Variants in SMARCA2 observed in about 807,000 individuals in gnomAD.
SMARCA2 encodes the protein SWI/SNF-related matrix-associated actin-dependent regulator of chromatin subfamily A member 2.
A neutral mutation model predicts 199.8 loss-of-function variants in SMARCA2; 61 were observed. That is an observed-to-expected ratio of 0.31 (90% CI 0.25 to 0.38). SMARCA2 has a LOEUF of 0.38. Ranked by LOEUF, SMARCA2 falls within the 10% of genes least tolerant of loss-of-function variation. The pLI, the probability that SMARCA2 is intolerant of heterozygous loss-of-function variation, is 1.00. For synonymous variants in SMARCA2, 935 were observed against 732.0 expected (o/e 1.28, Z -4.48); for missense variants, 1,344 against 2,012.2 (o/e 0.67, Z 6.35).
At chr9:2,158,133 GAAAGAAAGA>G (rs779979395) in intron 27 of SMARCA2, 13 of 77,174 alleles carry the variant, frequency 1.7e-4, no homozygotes, top group Non-Finnish European at 2.7e-4. Flanking sequence ...AAGCAAAATT[GAAAGAAAGA>G]AAAGAGAGAA....
At chr9:2,083,522 A>T (rs1214430394) in intron 16 of SMARCA2, 109 bp downstream of exon 16, 7 of 631,796 alleles carry the variant, frequency 1.1e-5, no homozygotes, top group South Asian at 1.0e-4. Context: ...AAGTTTTGTC[A>T]TGTACATCAT....
chr9:2,167,276 A>G (rs963371350), intron 28 of SMARCA2, among the ~76,000 whole-genome samples: 1 of 152,204 alleles, frequency 6.6e-6, no homozygotes, highest in African/African-American at 2.4e-5. Flanking sequence ...TTTGTTCACC[A>G]TTTATTATGC....
intron 15 of SMARCA2, among the ~76,000 whole-genome samples, chr9:2,082,298 A>C (rs573796951): frequency 7.1e-6 from 1 of 140,388 alleles, no homozygotes; most frequent in Non-Finnish European, 1.5e-5. Context: ...TGGCTCACAA[A>C]GGGGAAAGGT....
intron 25 of SMARCA2, among the ~76,000 whole-genome samples, chr9:2,118,851 C>T (rs1313308002): frequency 6.6e-6 from 1 of 151,978 alleles, no homozygotes; most frequent in South Asian, 2.1e-4. Context: ...TTTTTTGTTA[C>T]TGATACCTTT....
chr9:2,119,564 A>G lies in SMARCA2; in HGVS notation c.3762+29A>G, dbSNP rs1375442120. ...ATGTTACAGAAAATCATGAACACAA[A>G]TGCTTTATACCTCTGCCCCTTTTTC... On this transcript the variant is annotated intron_variant, in intron 26 of 33. Coordinates refer to ENST00000349721, the MANE Select transcript of SMARCA2 (RefSeq NM_003070.5). This position sits in a 1 kb window ranked among gnomAD's most constrained non-coding sequence, Gnocchi z 4.6. 7.6e-6 allele frequency: 11 copies of G among 1,443,740 alleles called. No individual in the cohort carries two copies. The highest frequency in any genetic ancestry group is 1.1e-5 in the South Asian group (1 of 87,526). The allele number at this position is 1,443,740 out of a possible 1,614,324, so 89.4% of individuals were successfully genotyped here. A position where few individuals can be genotyped will look rare whatever the true frequency, so the allele number is the denominator to read the frequency against.
intron 27 of SMARCA2, among the ~76,000 whole-genome samples, chr9:2,153,772 G>A (rs1825197676): frequency 6.6e-6 from 1 of 152,016 alleles, no homozygotes; most frequent in Non-Finnish European, 1.5e-5. Flanking sequence ...CTTTGAACTT[G>A]CATGGTTACT....
intron 32 of SMARCA2, among the ~76,000 whole-genome samples, chr9:2,188,850 C>G (rs10965140): frequency 6.6e-6 from 1 of 151,980 alleles, no homozygotes; most frequent in Non-Finnish European, 1.5e-5. Flanking sequence ...TTCTTGTGTT[C>G]GTAGAAACAA....
chr9:2,126,889 C>T (rs1823720393), intron 27 of SMARCA2, among the ~76,000 whole-genome samples: 1 of 152,230 alleles, frequency 6.6e-6, no homozygotes, highest in Admixed American at 6.5e-5. Context: ...ATAGTTCTTC[C>T]TCCCTTTGAA....
chr9:2,172,451 T>C (rs528611103), intron 29 of SMARCA2, among the ~76,000 whole-genome samples: 25 of 150,780 alleles, frequency 1.7e-4, no homozygotes, highest in Admixed American at 4.6e-4. Flanking sequence ...GGGGCAGAGC[T>C]TGTGGTGGTA....
At position 2,081,803 on chromosome 9, in the gene SMARCA2, A is replaced by G. The variant is rs773682454; in HGVS notation, c.2185-29A>G. 1.7e-5 allele frequency: 27 copies of G among 1,606,934 alleles called. No homozygotes were observed. In the South Asian group the frequency reaches 1.8e-4, roughly 11 times the overall value. Reference sequence around the variant, plus strand: ...GATTAATTACCTGTGCAGATCTTGGATAATTGAAGCAATTACTCTTCATTT... The same window carrying G: ...GATTAATTACCTGTGCAGATCTTGGGTAATTGAAGCAATTACTCTTCATTT... On this transcript the variant is annotated intron_variant, in intron 14 of 33. Transcript: ENST00000349721.
At chr9:2,147,591 A>C (rs925050396) in intron 27 of SMARCA2, among the ~76,000 whole-genome samples, 1 of 152,158 alleles carries the variant, frequency 6.6e-6, no homozygotes, top group Non-Finnish European at 1.5e-5. Context: ...CACGCCTGTA[A>C]TCCTAGCACT....
At chr9:2,159,983 C>T in intron 27 of SMARCA2, 1 of 1,544,838 alleles carries the variant, frequency 6.5e-7, no homozygotes, top group East Asian at 2.4e-5. Flanking sequence ...GTGTGTAACA[C>T]ATCAAAAGCC....
intron 24 of SMARCA2, among the ~76,000 whole-genome samples, chr9:2,113,103 G>A (rs960498546): frequency 1.3e-5 from 2 of 152,164 alleles, no homozygotes; most frequent in African/African-American, 4.8e-5. Context: ...ATGCATTGAA[G>A]AAAAATTTCT....
chr9:2,144,983 G>A (rs112120833), intron 27 of SMARCA2, among the ~76,000 whole-genome samples: 4,175 of 152,274 alleles, frequency 0.027, 72 homozygotes, highest in Non-Finnish European at 0.045. Context: ...TGCATTTAAG[G>A]AGAGAAAAAT....
At chr9:2,030,699 C>G (rs1819026192) in intron 2 of SMARCA2, among the ~76,000 whole-genome samples, 1 of 152,022 alleles carries the variant, frequency 6.6e-6, no homozygotes, top group Non-Finnish European at 1.5e-5. Context: ...AATGTTTAAT[C>G]AAATATCTAG....
chr9:2,185,903 A>G, intron 31 of SMARCA2, among the ~76,000 whole-genome samples, 193 bp from the exon 32 acceptor site: 1 of 152,258 alleles, frequency 6.6e-6, no homozygotes, highest in South Asian at 2.1e-4. Flanking sequence ...CTGCATTTGG[A>G]CTTTCTGTAT....
intron 27 of SMARCA2, among the ~76,000 whole-genome samples, chr9:2,151,511 C>T (rs1209311021): frequency 6.6e-6 from 1 of 151,734 alleles, no homozygotes; most frequent in Admixed American, 6.6e-5. Context: ...GCAGGTGGAT[C>T]ACCTGAGGCC....
intron 21 of SMARCA2, among the ~76,000 whole-genome samples, chr9:2,099,201 G>T (rs1822400592): frequency 6.6e-6 from 1 of 152,146 alleles, no homozygotes; most frequent in Non-Finnish European, 1.5e-5. Flanking sequence ...CAGATTTAAG[G>T]TACCAATGAA....
chr9:2,016,883 G>A lies in SMARCA2; in HGVS notation c.-37+1479G>A, dbSNP rs1013304796. On this transcript the variant is annotated intron_variant, in intron 1 of 33. Transcript: ENST00000349721. The surrounding 1 kb of genome is among the most constrained non-coding windows in gnomAD (Gnocchi z 5.6). The stretch of plus-strand genomic sequence containing the variant: ...AAAACACGGCCATGCCATCTGCAAA[G>A]GTGTCGCGATGCACTTCCCTAAATA... 6.6e-6 allele frequency among the ~76,000 whole-genome samples: 1 copy of A among 152,218 alleles called. No individual in the cohort carries two copies.
Sources: gnomAD v4.1 joint callset for allele counts (sites outside exome capture counted in the v4.1 genomes callset) on GRCh38, gnomAD v4.1.1 for gene constraint, Gnocchi (gnomAD v3.1) non-coding constraint, MANE v1.5 for transcripts, NCBI Gene and HGNC (gene_info 2026-07-23, HGNC 2026-07-21) for gene names.